The following SDR42E2 variants were observed in gnomAD, a reference collection of about 807,000 sequenced individuals.
SDR42E2 encodes the protein putative short-chain dehydrogenase/reductase family 42E member 2.
Under a neutral mutation model 10.5 loss-of-function variants are expected in SDR42E2, and 20 were observed. The observed-to-expected ratio is 1.90, with a 90% CI of 1.34 to 2.77. The LOEUF (loss-of-function observed/expected upper bound fraction) is 2.77. SDR42E2 is among the 30% of genes most tolerant of loss of function. SDR42E2 has a pLI of 0.00. For missense variants in SDR42E2, 162 were observed against 104.2 expected (o/e 1.55, Z -2.42); for synonymous variants, 72 against 39.2 (o/e 1.84, Z -3.12).
At chr16:22,164,205 G>C (rs2046517987) in intron 1 of SDR42E2, among the ~76,000 whole-genome samples, 1 of 152,070 alleles carries the variant, frequency 6.6e-6, no homozygotes, top group Non-Finnish European at 1.5e-5. Flanking sequence ...AATTGCTTGA[G>C]TTCCAGGAGT....
At chr16:22,175,921 A>G (rs1444036792) in intron 7 of SDR42E2, among the ~76,000 whole-genome samples, 1 of 152,026 alleles carries the variant, frequency 6.6e-6, no homozygotes, top group Non-Finnish European at 1.5e-5. Flanking sequence ...TGAACCTGAC[A>G]GGTAGAGGTT....
At chr16:22,172,427 C>T in intron 7 of SDR42E2, 96 bp downstream of exon 7, 2 of 691,506 alleles carry the variant, frequency 2.9e-6, no homozygotes, top group South Asian at 3.0e-5. Context: ...GTGTCTGAGG[C>T]CCACCTTCCT....
intron 12 of SDR42E2, among the ~76,000 whole-genome samples, 156 bp from the exon 13 acceptor site, chr16:22,189,983 C>T (rs374783379): frequency 1.3e-5 from 2 of 152,204 alleles, no homozygotes; most frequent in East Asian, 3.9e-4. Flanking sequence ...CTAATGAGGG[C>T]ATCGCAGGAG....
At chr16:22,183,036 G>A (rs928839202) in intron 10 of SDR42E2, among the ~76,000 whole-genome samples, 6 of 151,922 alleles carry the variant, frequency 3.9e-5, no homozygotes, top group African/African-American at 1.5e-4. Context: ...AAACACCTCT[G>A]GCAACATTGG....
At chr16:22,165,926 C>G (rs1165182629) in intron 2 of SDR42E2, among the ~76,000 whole-genome samples, 9 of 147,440 alleles carry the variant, frequency 6.1e-5, no homozygotes, top group Admixed American at 6.1e-4. Flanking sequence ...GGGCCAGGAG[C>G]TGGGTCCGTA....
At position 22,170,311 on chromosome 16, in the gene SDR42E2, G is replaced by A. The variant is rs975302520; in HGVS notation, c.395-522G>A. Among the ~76,000 whole-genome samples the A allele has an allele frequency of 3.9e-5, 6 of 152,220 alleles. No individual in the cohort carries two copies. In the South Asian group the frequency reaches 6.2e-4, roughly 16 times the overall value. On this transcript the variant is annotated intron_variant, in intron 5 of 12. Coordinates refer to ENST00000602312, the MANE Select transcript of SDR42E2 (RefSeq NM_001394319.2). Reference sequence around the variant, plus strand: ...GGAAGTTGTGGTGAGCCGAGATCGCGCCATTGCACTCCAGCCTGGGCAACA... The same window carrying A: ...GGAAGTTGTGGTGAGCCGAGATCGCACCATTGCACTCCAGCCTGGGCAACA...
chr16:22,163,493 A>T (rs2046512296), intron 1 of SDR42E2, among the ~76,000 whole-genome samples: 1 of 151,968 alleles, frequency 6.6e-6, no homozygotes, highest in South Asian at 2.1e-4. Context: ...ATCACTTGAG[A>T]CCAGGAGTTT....
At chr16:22,168,368 C>T (rs1043568117) in intron 4 of SDR42E2, among the ~76,000 whole-genome samples, 3 of 151,954 alleles carry the variant, frequency 2.0e-5, no homozygotes, top group African/African-American at 7.2e-5. Flanking sequence ...CAGGCTCAAG[C>T]GATTCTTCTG....
intron 7 of SDR42E2, among the ~76,000 whole-genome samples, chr16:22,175,781 TCAGGCATTCAAGAC>T (rs1316052995): frequency 6.6e-6 from 1 of 151,988 alleles, no homozygotes; most frequent in Non-Finnish European, 1.5e-5. Context: ...TCACCTGAGG[TCAGGCATTCAAGAC>T]CAGCCTGGCC....
Position 22,191,413 on chromosome 16 carries a change from C to CCGCGTCGCTATGGGCTAA in SDR42E2, c.*1024_*1041dup, listed in dbSNP as rs1442519516. The CCGCGTCGCTATGGGCTAA allele has an allele frequency of 6.6e-6, 1 of 152,530 alleles. No homozygotes were observed. Among genetic ancestry groups the CCGCGTCGCTATGGGCTAA allele is most frequent in the Non-Finnish European group, 1.5e-5 (1 of 68,090 alleles). 9.4% of individuals were successfully genotyped at this position (152,530 alleles called of 1,614,324 possible). On this transcript the variant is annotated 3_prime_UTR_variant, in exon 13 of 13. Transcript: ENST00000602312. The stretch of plus-strand genomic sequence containing the variant: ...GTAGGTTCTCCCCGGAACCAGGCTG[C>CCGCGTCGCTATGGGCTAA]CGCGTCGCTATGGGCTAACGCAGGC...
At chr16:22,168,880 A>T (rs72768914) in intron 4 of SDR42E2, among the ~76,000 whole-genome samples, 1 of 152,250 alleles carries the variant, frequency 6.6e-6, no homozygotes, top group Non-Finnish European at 1.5e-5. Flanking sequence ...TCTCAAAAAA[A>T]TAATAATAAT....
chr16:22,190,637 CT>C lies in SDR42E2; in HGVS notation c.*245del, dbSNP rs2046768216. 1.0e-5 allele frequency: 4 copies of C among 388,618 alleles called. No homozygotes were observed. The South Asian group carries it at 4.8e-4, about 47-fold the overall frequency. The allele number at this position is 388,618 out of a possible 1,614,324, so 24.1% of individuals were successfully genotyped here. A position where few individuals can be genotyped will look rare whatever the true frequency, so the allele number is the denominator to read the frequency against. On this transcript the variant is annotated 3_prime_UTR_variant, in exon 13 of 13. Transcript: ENST00000602312. ...CCCTTCCTGTGTTTTGGCCCCGCCC[CT>C]GTCCTGTCCCGCCCCGCCCTCCGAA...
chr16:22,171,153 C>T (rs1455684188), intron 6 of SDR42E2, among the ~76,000 whole-genome samples: 1 of 152,228 alleles, frequency 6.6e-6, no homozygotes, highest in Non-Finnish European at 1.5e-5. Flanking sequence ...ACAGGTCTGG[C>T]CTTAGCCTCA....
Position 22,181,560 on chromosome 16 carries a change from C to T in SDR42E2, c.714C>T (p.Asp238=). ...GGCTGTTCATGTTCCGATTTGGGGA[C>T]CACAAGGCACGGATGAACTGGGTCC... ...KKRLFMFRFG[D]HKARMNWVHV... The change falls in exon 9 of 13, where the codon GAC becomes GAT. Residue 238 remains aspartate, a synonymous_variant. Transcript: ENST00000602312. 1.4e-6 allele frequency: 1 copy of T among 703,032 alleles called. No homozygotes were observed. Among genetic ancestry groups the T allele is most frequent in the Non-Finnish European group, 2.6e-6 (1 of 385,014 alleles). The allele number at this position is 703,032 out of a possible 1,614,324, so 43.5% of individuals were successfully genotyped here.
intron 5 of SDR42E2, 87 bp from the exon 6 acceptor site, chr16:22,170,746 C>A: frequency 2.9e-6 from 2 of 694,270 alleles, no homozygotes; most frequent in East Asian, 2.7e-5. Flanking sequence ...CCTCAGCCGA[C>A]TCTATGCTCA....
rs906382156 is a variant in SDR42E2 at position 22,170,915 on chromosome 16, C to A, written c.477C>A (p.Gly159=). Residue 159 remains glycine (G), a synonymous_variant, in exon 6 of 13, where the codon GGC becomes GGA. Transcript: ENST00000602312. ...VAFGGKPIEQ[G]DEDSVPYFPL... is the part of the protein sequence containing the mutation. ...TTGGAGGGAAGCCCATAGAGCAGGG[C>A]GATGAGGACTCTGTGCCATATTTCC... The A allele has an allele frequency of 1.4e-6, 1 of 702,966 alleles. No individual in the cohort carries two copies. The highest frequency in any genetic ancestry group is 2.6e-6 in the Non-Finnish European group (1 of 385,010). The allele number at this position is 702,966 out of a possible 1,614,324, so 43.5% of individuals were successfully genotyped here. A position where few individuals can be genotyped will look rare whatever the true frequency, so the allele number is the denominator to read the frequency against.
intron 4 of SDR42E2, among the ~76,000 whole-genome samples, chr16:22,167,223 T>G (rs111384008): frequency 4.4e-4 from 56 of 126,646 alleles, no homozygotes; most frequent in African/African-American, 1.7e-3. Flanking sequence ...TCTCACTCTG[T>G]CACCCAGGCT....
chr16:22,178,257 G>A (rs1598139824), intron 8 of SDR42E2, 45 bp downstream of exon 8: 1 of 699,914 alleles, frequency 1.4e-6, no homozygotes, highest in East Asian at 2.7e-5. Flanking sequence ...GAAGGATCCT[G>A]GCTGAGGTGT....
chr16:22,169,947 G>A (rs1004708464), intron 5 of SDR42E2, among the ~76,000 whole-genome samples: 2 of 152,028 alleles, frequency 1.3e-5, no homozygotes, highest in Non-Finnish European at 2.9e-5. Context: ...CAGGAGAATC[G>A]CTTGAATCTG....
Sources: allele counts gnomAD v4.1 joint callset (sites outside exome capture counted in the v4.1 genomes callset), GRCh38; gene constraint gnomAD v4.1.1; transcripts MANE v1.5; gene names NCBI Gene and HGNC (gene_info 2026-07-23, HGNC 2026-07-21).